The following KIFAP3 variants were observed in gnomAD, a reference collection of about 807,000 sequenced individuals.
KIFAP3 encodes kinesin-associated protein 3.
A neutral mutation model predicts 106.5 loss-of-function variants in KIFAP3; 68 were observed. That is an observed-to-expected ratio of 0.64 (90% CI 0.53 to 0.78). KIFAP3 has a LOEUF of 0.78. Ranked by LOEUF, KIFAP3 falls within the 30% of genes least tolerant of loss-of-function variation. The pLI is 0.00. For missense variants in KIFAP3, 780 were observed against 941.8 expected (o/e 0.83, Z 2.25); for synonymous variants, 320 against 311.5 (o/e 1.03, Z -0.29).
chr1:170,017,225 C>G (rs1010672130), intron 9 of KIFAP3, among the ~76,000 whole-genome samples: 1 of 134,500 alleles, frequency 7.4e-6, no homozygotes, highest in Non-Finnish European at 1.5e-5. Context: ...CTACTGCATT[C>G]CAGCCTGGTG....
intron 19 of KIFAP3, among the ~76,000 whole-genome samples, chr1:169,932,162 A>G (rs535864604): frequency 1.3e-5 from 2 of 152,186 alleles, no homozygotes; most frequent in Non-Finnish European, 2.9e-5. Context: ...CAAGAATGAC[A>G]GCTAAACTTT....
chr1:169,970,299 C>G (rs936830491), intron 17 of KIFAP3, among the ~76,000 whole-genome samples: 1 of 152,064 alleles, frequency 6.6e-6, no homozygotes, highest in East Asian at 1.9e-4. Context: ...GCCACAGAGA[C>G]TGTATCATGT....
At position 170,054,083 on chromosome 1, in the gene KIFAP3, G is replaced by T. The variant is rs188772962; in HGVS notation, c.164+1222C>A. ...CCTACAGAATGGGAGAAAATTTTTT[G>T]CAATCTACCCATCTGACTAAGGTCT... On this transcript the variant is annotated intron_variant, in intron 2 of 19. Transcript: ENST00000361580. Among the ~76,000 whole-genome samples, 555 of 152,200 alleles carry T rather than the reference G, an allele frequency of 3.6e-3. 2 individuals are homozygous for T. The highest frequency in any genetic ancestry group is 0.012 in the African/African-American group (518 of 41,552).
At chr1:169,981,876 G>A in intron 15 of KIFAP3, 96 bp downstream of exon 15, 1 of 992,594 alleles carries the variant, frequency 1.0e-6, no homozygotes, top group Non-Finnish European at 1.5e-6. Flanking sequence ...TTAATGTAAT[G>A]AGAAAAACAG....
intron 15 of KIFAP3, 106 bp downstream of exon 15, chr1:169,981,866 T>C: frequency 7.8e-6 from 7 of 892,930 alleles, no homozygotes; most frequent in Non-Finnish European, 1.2e-5. Flanking sequence ...TATGAAACAA[T>C]TAATGTAATG....
upstream of KIFAP3, among the ~76,000 whole-genome samples, chr1:170,079,291 G>T (rs938250989): frequency 6.6e-6 from 1 of 152,134 alleles, no homozygotes; most frequent in Non-Finnish European, 1.5e-5. Context: ...CGTCCATCTT[G>T]AATGGAAGCA....
intron 10 of KIFAP3, among the ~76,000 whole-genome samples, chr1:170,002,158 G>C (rs1293653078): frequency 1.3e-5 from 2 of 152,092 alleles, no homozygotes; most frequent in African/African-American, 2.4e-5. Context: ...TCAAACATTT[G>C]TCACTTAACT....
intron 1 of KIFAP3, among the ~76,000 whole-genome samples, chr1:170,065,631 A>G (rs1398302811): frequency 2.6e-5 from 4 of 151,412 alleles, no homozygotes; most frequent in African/African-American, 2.4e-5. Context: ...AAAAAAAAAA[A>G]AAAAAAAAGA....
chr1:169,928,142 C>A (rs1464961260), intron 19 of KIFAP3, among the ~76,000 whole-genome samples: 1 of 151,834 alleles, frequency 6.6e-6, no homozygotes, highest in Non-Finnish European at 1.5e-5. Context: ...CTCTGTTGCC[C>A]AGGCTGGAGT....
At chr1:170,069,147 CA>C (rs1372264375) in intron 1 of KIFAP3, among the ~76,000 whole-genome samples, 1 of 151,994 alleles carries the variant, frequency 6.6e-6, no homozygotes, top group Non-Finnish European at 1.5e-5. Flanking sequence ...TAGAAACACA[CA>C]AACTACCAAA....
At chr1:169,941,599 T>C (rs1003912942) in intron 19 of KIFAP3, among the ~76,000 whole-genome samples, 4 of 152,140 alleles carry the variant, frequency 2.6e-5, no homozygotes, top group African/African-American at 9.6e-5. Flanking sequence ...ATTTCCTTTT[T>C]TGATTTATTT....
chr1:170,078,826 AT>A (rs1671969692), upstream of KIFAP3, among the ~76,000 whole-genome samples: 1 of 152,238 alleles, frequency 6.6e-6, no homozygotes, highest in African/African-American at 2.4e-5. Flanking sequence ...TTATCCTGAT[AT>A]CAAAATTAGA....
chr1:170,012,794 C>T (rs7531533), intron 10 of KIFAP3, among the ~76,000 whole-genome samples: 2,738 of 152,088 alleles, frequency 0.018, 80 homozygotes, highest in African/African-American at 0.06. Flanking sequence ...CAATCATGAC[C>T]GAAGGCAAAT....
intron 18 of KIFAP3, among the ~76,000 whole-genome samples, chr1:169,959,689 G>T (rs540869189): frequency 2.0e-5 from 3 of 152,100 alleles, no homozygotes; most frequent in East Asian, 3.9e-4. Context: ...ATCTGGTTTT[G>T]GAAACTGGTA....
At chr1:169,930,277 A>C (rs1041253096) in intron 19 of KIFAP3, among the ~76,000 whole-genome samples, 3 of 152,204 alleles carry the variant, frequency 2.0e-5, no homozygotes, top group Admixed American at 2.0e-4. Context: ...TTGCTGTTAG[A>C]GCGCTTGTCG....
chr1:170,079,936 T>C (rs758206407), intron 1 of KIFAP3, among the ~76,000 whole-genome samples: 1 of 152,102 alleles, frequency 6.6e-6, no homozygotes, highest in Non-Finnish European at 1.5e-5. Flanking sequence ...TGAATAATTT[T>C]GGTAGAATTA....
chr1:170,063,673 T>C (rs574711249), intron 1 of KIFAP3, among the ~76,000 whole-genome samples: 1 of 152,334 alleles, frequency 6.6e-6, no homozygotes, highest in East Asian at 1.9e-4. Context: ...CATGTGTGTC[T>C]ATTTCTAGGC....
At chr1:170,052,638 T>C (rs1374607754) in intron 2 of KIFAP3, among the ~76,000 whole-genome samples, 1 of 152,146 alleles carries the variant, frequency 6.6e-6, no homozygotes, top group Non-Finnish European at 1.5e-5. Context: ...AAAAAACTTA[T>C]CCACCACAAC....
intron 19 of KIFAP3, among the ~76,000 whole-genome samples, chr1:169,923,631 T>G (rs1291026553): frequency 6.6e-6 from 1 of 152,230 alleles, no homozygotes. Flanking sequence ...TTTCTCAATC[T>G]AGGGGCTATG....
Sources: gnomAD v4.1 joint callset for allele counts (sites outside exome capture counted in the v4.1 genomes callset) on GRCh38, gnomAD v4.1.1 for gene constraint, MANE v1.5 for transcripts, NCBI Gene and HGNC (gene_info 2026-07-23, HGNC 2026-07-21) for gene names.